GNAQ: variants seen among roughly 807,000 people sequenced by gnomAD.
GNAQ encodes G protein subunit alpha q.
GNAQ carries 8 observed loss-of-function variants against 43.9 expected under a neutral mutation model. That is an observed-to-expected ratio of 0.18 (90% CI 0.11 to 0.33). GNAQ has a LOEUF of 0.33. Among genes scored for constraint, GNAQ ranks in the 10% least tolerant of loss-of-function variants. The pLI is 1.00. For missense variants in GNAQ, 158 were observed against 450.8 expected (o/e 0.35, Z 5.88); for synonymous variants, 155 against 170.7 (o/e 0.91, Z 0.71).
At chr9:77,763,550 C>T (rs1043700474) in intron 5 of GNAQ, among the ~76,000 whole-genome samples, 1 of 152,116 alleles carries the variant, frequency 6.6e-6, no homozygotes, top group Non-Finnish European at 1.5e-5. Context: ...TTGCCATTTG[C>T]GATTTTGCTA....
At chr9:77,796,594 C>T (rs577160687) in intron 4 of GNAQ, among the ~76,000 whole-genome samples, 8 of 152,294 alleles carry the variant, frequency 5.3e-5, no homozygotes, top group African/African-American at 1.7e-4. Flanking sequence ...CCAGACAGAA[C>T]ACCAGCAGTG....
At chr9:77,853,018 T>C (rs774625793) in intron 2 of GNAQ, among the ~76,000 whole-genome samples, 5 of 152,174 alleles carry the variant, frequency 3.3e-5, no homozygotes, top group Admixed American at 6.5e-5. Flanking sequence ...AGAACATACA[T>C]TTTTCCTTTG....
chr9:77,731,994 C>G (rs1250735007), intron 5 of GNAQ, among the ~76,000 whole-genome samples: 6 of 152,092 alleles, frequency 3.9e-5, no homozygotes, highest in Non-Finnish European at 8.8e-5. Flanking sequence ...TACAAACCGA[C>G]ATGCTCTGTT....
intron 2 of GNAQ, among the ~76,000 whole-genome samples, chr9:77,846,261 C>T (rs1827584013): frequency 6.6e-6 from 1 of 152,194 alleles, no homozygotes; most frequent in Admixed American, 6.5e-5. Context: ...AGTCAGGGCC[C>T]TCAATTCCAC....
At position 77,995,638 on chromosome 9, in the gene GNAQ, C is replaced by T. The variant is rs145437213; in HGVS notation, c.136+35462G>A. 6.1e-3 allele frequency among the ~76,000 whole-genome samples: 932 copies of T among 151,982 alleles called. 8 individuals are homozygous for T. Among genetic ancestry groups the T allele is most frequent in the African/African-American group, 0.02 (837 of 41,438 alleles). ...CCCATGTAGCTGGGAGCTAACTACT[C>T]GGCTAATTTTTTTTTAAACTTTTTG... On this transcript the variant is annotated intron_variant, in intron 1 of 6. Transcript: ENST00000286548.
intron 2 of GNAQ, among the ~76,000 whole-genome samples, chr9:77,822,168 C>T (rs765253692): frequency 7.9e-5 from 12 of 152,074 alleles, no homozygotes; most frequent in Non-Finnish European, 1.2e-4. Flanking sequence ...TTGAATTTTC[C>T]AAACTTGTTT....
chr9:77,980,694 A>G (rs1198844820), intron 1 of GNAQ, among the ~76,000 whole-genome samples: 1 of 152,136 alleles, frequency 6.6e-6, no homozygotes, highest in Non-Finnish European at 1.5e-5. Context: ...CAATTTATCC[A>G]AATTCAACAG....
chr9:77,932,325 G>A (rs555261695), intron 1 of GNAQ, among the ~76,000 whole-genome samples: 3 of 152,178 alleles, frequency 2.0e-5, no homozygotes, highest in African/African-American at 7.2e-5. Flanking sequence ...TATCAAGGAT[G>A]CAGGACACAG....
At chr9:77,872,631 ATG>A (rs1828057956) in intron 2 of GNAQ, among the ~76,000 whole-genome samples, 1 of 152,236 alleles carries the variant, frequency 6.6e-6, no homozygotes, top group Admixed American at 6.5e-5. Context: ...TTGACCATGA[ATG>A]TGTGTGACTG....
At chr9:77,810,219 TATCTATCTATC>T (rs1564117282) in intron 3 of GNAQ, among the ~76,000 whole-genome samples, 23 of 85,578 alleles carry the variant, frequency 2.7e-4, no homozygotes, top group Admixed American at 2.5e-3. Context: ...TCTATCTATC[TATCTATCTATC>T]TATCTATCTA....
intron 1 of GNAQ, among the ~76,000 whole-genome samples, chr9:77,949,356 C>T (rs527996226): frequency 2.0e-5 from 3 of 152,248 alleles, no homozygotes; most frequent in East Asian, 3.9e-4. Flanking sequence ...GGGAGTGAGA[C>T]AGATTGTCAC....
intron 1 of GNAQ, among the ~76,000 whole-genome samples, chr9:77,981,485 G>C (rs1050749433): frequency 2.6e-5 from 4 of 152,170 alleles, no homozygotes; most frequent in African/African-American, 9.7e-5. Context: ...GGAAGGCCAC[G>C]GCACAGCAGG....
intron 5 of GNAQ, among the ~76,000 whole-genome samples, chr9:77,760,807 T>C (rs1483691073): frequency 2.0e-5 from 3 of 147,756 alleles, no homozygotes; most frequent in Non-Finnish European, 3.0e-5. Flanking sequence ...GTGAGGAGCG[T>C]CTCTGCCCAG....
At chr9:77,793,963 A>C (rs1035548357) in intron 5 of GNAQ, among the ~76,000 whole-genome samples, 2 of 152,182 alleles carry the variant, frequency 1.3e-5, no homozygotes, top group Non-Finnish European at 2.9e-5. Context: ...TAAGAGCAGA[A>C]AGGCCGCATC....
intron 5 of GNAQ, among the ~76,000 whole-genome samples, chr9:77,783,415 T>C (rs1826427591): frequency 6.6e-6 from 1 of 152,244 alleles, no homozygotes; most frequent in Non-Finnish European, 1.5e-5. Context: ...TTTTTGGGTA[T>C]ATGAATATAT....
chr9:77,909,324 C>A (rs995526614), intron 2 of GNAQ, among the ~76,000 whole-genome samples: 1 of 152,154 alleles, frequency 6.6e-6, no homozygotes, highest in Non-Finnish European at 1.5e-5. Context: ...TGCCATCCAC[C>A]AGCTGCCCAG....
At chr9:77,725,579 TAAA>T (rs55766160) in intron 6 of GNAQ, among the ~76,000 whole-genome samples, 2 of 57,140 alleles carry the variant, frequency 3.5e-5, no homozygotes, top group Middle Eastern at 0.012. Context: ...AAGGTAACAG[TAAA>T]AAAAAAAAAA....
At chr9:77,913,323 G>T (rs1828840252) in intron 2 of GNAQ, among the ~76,000 whole-genome samples, 1 of 150,176 alleles carries the variant, frequency 6.7e-6, no homozygotes, top group Non-Finnish European at 1.5e-5. Flanking sequence ...ACAAATTATA[G>T]CATATTTATA....
chr9:77,725,061 T>C, intron 6 of GNAQ, among the ~76,000 whole-genome samples: 1 of 152,066 alleles, frequency 6.6e-6, no homozygotes, highest in South Asian at 2.1e-4. Flanking sequence ...TTACTCTATT[T>C]GGGAAGGAAG....
Sources: allele counts gnomAD v4.1 joint callset (sites outside exome capture counted in the v4.1 genomes callset), GRCh38; gene constraint gnomAD v4.1.1; transcripts MANE v1.5; gene names NCBI Gene and HGNC (gene_info 2026-07-23, HGNC 2026-07-21).